Variants in TMEM163 observed in about 807,000 individuals in gnomAD.
The protein encoded by TMEM163 is transmembrane protein 163.
Under a neutral mutation model 29.3 loss-of-function variants are expected in TMEM163, and 17 were observed. The observed-to-expected ratio is 0.58, with a 90% CI of 0.40 to 0.87. The LOEUF is 0.87. Ranked by LOEUF, TMEM163 falls within the 40% of genes least tolerant of loss-of-function variation. The probability of loss-of-function intolerance (pLI) is 0.00; values close to 1 mark genes in which losing one functional copy is unlikely to be tolerated. For synonymous variants in TMEM163, 157 were observed against 160.6 expected, an observed-to-expected ratio of 0.98 and a Z score of 0.17; for missense variants, 303 against 381.5, an observed-to-expected ratio of 0.79 and a Z score of 1.71.
At chr2:134,471,272 T>G (rs1019263319) in intron 5 of TMEM163, among the ~76,000 whole-genome samples, 3 of 152,196 alleles carry the variant, frequency 2.0e-5, no homozygotes, top group African/African-American at 7.2e-5. Flanking sequence ...TGTGATAGTA[T>G]TTGGAGAGGG....
At chr2:134,561,650 T>A (rs1373750398) in intron 2 of TMEM163, among the ~76,000 whole-genome samples, 1 of 152,202 alleles carries the variant, frequency 6.6e-6, no homozygotes. Context: ...ACTCACACTT[T>A]CCTAACACTT....
At chr2:134,570,469 TATATACATATACATATACATATAC>T (rs199827256) in intron 2 of TMEM163, among the ~76,000 whole-genome samples, 4,150 of 145,178 alleles carry the variant, frequency 0.029, 137 homozygotes, top group African/African-American at 0.087. Context: ...ACTACATATA[TATATACATATACATATACATATAC>T]ATATACATAT....
chr2:134,647,547 T>A (rs1398775104), intron 2 of TMEM163, among the ~76,000 whole-genome samples: 2 of 152,194 alleles, frequency 1.3e-5, no homozygotes, highest in Admixed American at 1.3e-4. Flanking sequence ...TCAATATAAA[T>A]TGTGGAGGTT....
At chr2:134,572,880 T>A (rs2104786595) in intron 2 of TMEM163, among the ~76,000 whole-genome samples, 1 of 152,332 alleles carries the variant, frequency 6.6e-6, no homozygotes. Flanking sequence ...GTGGCAACGA[T>A]CTCAAATGAC....
chr2:134,648,144 G>A (rs1180267071), intron 2 of TMEM163, among the ~76,000 whole-genome samples: 2 of 152,126 alleles, frequency 1.3e-5, no homozygotes, highest in Non-Finnish European at 1.5e-5. Flanking sequence ...CAGCAGGAAG[G>A]AGAGCTGAAA....
chr2:134,702,681 A>C (rs1437947071), intron 2 of TMEM163, among the ~76,000 whole-genome samples: 4 of 151,966 alleles, frequency 2.6e-5, no homozygotes, highest in African/African-American at 9.7e-5. Flanking sequence ...AAAATAAAAA[A>C]AATTTTCAAA....
intron 4 of TMEM163, among the ~76,000 whole-genome samples, chr2:134,507,770 T>C (rs886645804): frequency 2.6e-5 from 4 of 152,042 alleles, no homozygotes; most frequent in Non-Finnish European, 4.4e-5. Context: ...GGCAGGAGGA[T>C]TGCTTAAGCC....
chr2:134,708,842 C>A (rs1044688164), intron 2 of TMEM163, among the ~76,000 whole-genome samples: 13 of 152,134 alleles, frequency 8.5e-5, no homozygotes, highest in African/African-American at 3.1e-4. Flanking sequence ...CCCACCCCAG[C>A]CTCCAAAGTG....
At chr2:134,587,892 C>G (rs543838108) in intron 2 of TMEM163, among the ~76,000 whole-genome samples, 2 of 152,342 alleles carry the variant, frequency 1.3e-5, no homozygotes, top group South Asian at 4.1e-4. Context: ...AGGAAAGCAA[C>G]TTCACAGTGC....
intron 4 of TMEM163, among the ~76,000 whole-genome samples, chr2:134,537,006 A>G (rs1270909469): frequency 6.6e-6 from 1 of 152,238 alleles, no homozygotes; most frequent in African/African-American, 2.4e-5. Context: ...AAAGATAGTT[A>G]TAAGGGAAAA....
At chr2:134,664,326 G>C (rs138377615) in intron 2 of TMEM163, among the ~76,000 whole-genome samples, 1 of 152,192 alleles carries the variant, frequency 6.6e-6, no homozygotes, top group Non-Finnish European at 1.5e-5. Flanking sequence ...AGAATCGCCC[G>C]GAGGACTGGT....
chr2:134,497,720 T>C (rs541966915), intron 5 of TMEM163, among the ~76,000 whole-genome samples: 4 of 152,328 alleles, frequency 2.6e-5, no homozygotes, highest in Middle Eastern at 3.4e-3. Context: ...AGAAACTTGC[T>C]CAGAGAGGAA....
intron 5 of TMEM163, among the ~76,000 whole-genome samples, chr2:134,473,247 T>C (rs1686842603): frequency 6.6e-6 from 1 of 152,110 alleles, no homozygotes; most frequent in Non-Finnish European, 1.5e-5. Context: ...CAGAAATCAA[T>C]GAGACAGACC....
At chr2:134,573,024 C>T (rs1189810862) in intron 2 of TMEM163, among the ~76,000 whole-genome samples, 2 of 152,160 alleles carry the variant, frequency 1.3e-5, no homozygotes, top group Non-Finnish European at 2.9e-5. Flanking sequence ...GGACTGGCTA[C>T]CGAGGGATCT....
chr2:134,666,002 C>G (rs1299898995), intron 2 of TMEM163, among the ~76,000 whole-genome samples: 1 of 152,190 alleles, frequency 6.6e-6, no homozygotes, highest in Non-Finnish European at 1.5e-5. Context: ...ATGTGTGTTT[C>G]TTGACCCAAA....
At chr2:134,459,087 C>T (rs1686468149) in intron 6 of TMEM163, 1 of 152,394 alleles carries the variant, frequency 6.6e-6, no homozygotes, top group Non-Finnish European at 1.5e-5. Context: ...CTGGTGGCCC[C>T]AAGAGAAGCT....
chr2:134,458,184 A>G lies in TMEM163; in HGVS notation c.668-11T>C. The stretch of plus-strand genomic sequence containing the variant: ...CGAGGGAGTTAAACCCTGCAAAGGA[A>G]GTGGAGAGAGGCTAGATGGCAGTGC... On this transcript the variant is annotated splice_polypyrimidine_tract_variant and intron_variant, in intron 6 of 7. Transcript: ENST00000281924. The G allele has an allele frequency of 6.2e-7, 1 of 1,614,034 alleles. No homozygotes were observed. The highest frequency in any genetic ancestry group is 8.5e-7 in the Non-Finnish European group (1 of 1,179,932).
chr2:134,516,211 T>C (rs986128745), intron 4 of TMEM163, among the ~76,000 whole-genome samples: 1 of 151,870 alleles, frequency 6.6e-6, no homozygotes, highest in Non-Finnish European at 1.5e-5. Flanking sequence ...ATAAATAAGA[T>C]GGGTAGGCAC....
chr2:134,701,259 C>T (rs1684697893), intron 2 of TMEM163, among the ~76,000 whole-genome samples: 1 of 151,758 alleles, frequency 6.6e-6, no homozygotes, highest in Admixed American at 6.6e-5. Context: ...TTTTTAGAAG[C>T]TAGAAAGCAT....
Sources: gnomAD v4.1 joint callset for allele counts (sites outside exome capture counted in the v4.1 genomes callset) on GRCh38, gnomAD v4.1.1 for gene constraint, MANE v1.5 for transcripts, NCBI Gene and HGNC (gene_info 2026-07-23, HGNC 2026-07-21) for gene names.